Variants in PCDHGA6 observed in about 807,000 individuals in gnomAD.
PCDHGA6 encodes protocadherin gamma subfamily A, 6.
In PCDHGA6, 41 loss-of-function variants were observed where a neutral mutation model predicts 60.6. That is an observed-to-expected ratio of 0.68 (90% confidence interval 0.53 to 0.88). The LOEUF is 0.88. Ranked by LOEUF, PCDHGA6 falls within the 40% of genes least tolerant of loss-of-function variation. PCDHGA6 has a pLI of 0.00. For synonymous variants in PCDHGA6, 594 were observed against 524.4 expected, an observed-to-expected ratio of 1.13 and a Z score of -1.81; for missense variants, 1,312 against 1,203.0, an observed-to-expected ratio of 1.09 and a Z score of -1.34.
At chr5:141,415,879 T>C (rs1002596454) in intron 1 of PCDHGA6, 1 of 1,003,176 alleles carries the variant, frequency 1.0e-6, no homozygotes, top group African/African-American at 1.7e-5. Context: ...TTGAGTACAA[T>C]ATTGACAATT....
intron 1 of PCDHGA6, among the ~76,000 whole-genome samples, chr5:141,481,400 T>C (rs2154578591): frequency 6.6e-6 from 1 of 152,358 alleles, no homozygotes; most frequent in East Asian, 1.9e-4. Context: ...GTGACAAAAT[T>C]CTTGTATAAT....
chr5:141,392,298 G>T (rs568188111), intron 1 of PCDHGA6: 3 of 152,090 alleles, frequency 2.0e-5, no homozygotes, highest in African/African-American at 7.2e-5. Flanking sequence ...GGAAATGAAA[G>T]TATCATGTTT....
At position 141,413,764 on chromosome 5, in the gene PCDHGA6, G is replaced by A. The variant is rs749419039; in HGVS notation, c.2424+37257G>A. 28 of 1,612,716 alleles carry A rather than the reference G, an allele frequency of 1.7e-5. No individual in the cohort carries two copies. Among genetic ancestry groups the A allele is most frequent in the Non-Finnish European group, 2.2e-5 (26 of 1,179,878 alleles). On this transcript the variant is annotated intron_variant, in intron 1 of 3. Coordinates refer to ENST00000517434, the MANE Select transcript of PCDHGA6 (RefSeq NM_018919.3). ...CCGTGCCAATGGCGTCAAGTACCCG[G>A]AGCTGGTACTGGAGCACTCCCTAGA... is the stretch of plus-strand genomic sequence containing the variant.
At position 141,477,868 on chromosome 5, in the gene PCDHGA6, C is replaced by G; in HGVS notation, c.2425-16939C>G. Reference sequence around the variant, plus strand: ...CGGTGGAGATGCTGCCTCGAGGTACCTCAGCTGGCCACCTAGTGTCACGGG... The same window carrying G: ...CGGTGGAGATGCTGCCTCGAGGTACGTCAGCTGGCCACCTAGTGTCACGGG... On this transcript the variant is annotated intron_variant, in intron 1 of 3. Coordinates refer to ENST00000517434, the MANE Select transcript of PCDHGA6 (RefSeq NM_018919.3). The surrounding 1 kb of genome is among the most constrained non-coding windows in gnomAD (Gnocchi z 4.9). 1 of 1,613,750 alleles carries G rather than the reference C, an allele frequency of 6.2e-7. No individual in the cohort carries two copies. Among genetic ancestry groups the G allele is most frequent in the Non-Finnish European group, 8.5e-7 (1 of 1,179,908 alleles).
At chr5:141,392,816 G>C (rs1442012424) in intron 1 of PCDHGA6, 3 of 1,587,594 alleles carry the variant, frequency 1.9e-6, no homozygotes, top group Admixed American at 3.6e-5. Context: ...AAACAACAAT[G>C]GCCGCTCCAC....
At chr5:141,427,570 C>A in intron 1 of PCDHGA6, 1 of 662,270 alleles carries the variant, frequency 1.5e-6, no homozygotes, top group Non-Finnish European at 2.8e-6. Flanking sequence ...GGCAAGCCTC[C>A]GCTCTCATCC....
Position 141,427,790 on chromosome 5 carries a change from C to T in PCDHGA6, c.2424+51283C>T, listed in dbSNP as rs1212280689. ...TGGAGCTGCGGGCACTGTCGTCCTACGTGTCCGTGAGCGCACAGAGCGGGG... is the reference window on the plus strand; with the variant it reads ...TGGAGCTGCGGGCACTGTCGTCCTATGTGTCCGTGAGCGCACAGAGCGGGG... On this transcript the variant is annotated intron_variant, in intron 1 of 3. Transcript: ENST00000517434. 2.0e-6 allele frequency: 3 copies of T among 1,482,108 alleles called. No homozygotes were observed. The Admixed American group carries it at 5.0e-5, about 25-fold the overall frequency. 91.8% of individuals were successfully genotyped at this position (1,482,108 alleles called of 1,614,324 possible).
At position 141,491,265 on chromosome 5, in the gene PCDHGA6, C is replaced by G. The variant is rs868682993; in HGVS notation, c.2425-3542C>G. ...AGGATGAGGACCCTGAGGAAATGCCCAAATCCAGTGACTTCCTCATACACC... is the reference window on the plus strand; with the variant it reads ...AGGATGAGGACCCTGAGGAAATGCCGAAATCCAGTGACTTCCTCATACACC... On this transcript the variant is annotated intron_variant, in intron 1 of 3. Transcript: ENST00000517434. The surrounding 1 kb of genome is among the most constrained non-coding windows in gnomAD (Gnocchi z 6.9). The G allele has an allele frequency of 6.2e-7, 1 of 1,614,074 alleles. No individual in the cohort carries two copies. The highest frequency in any genetic ancestry group is 8.5e-7 in the Non-Finnish European group (1 of 1,179,916).
intron 2 of PCDHGA6, among the ~76,000 whole-genome samples, chr5:141,497,175 A>T (rs2154592067): frequency 6.7e-6 from 1 of 150,262 alleles, no homozygotes; most frequent in East Asian, 1.9e-4. Context: ...AAATCACAGT[A>T]AGTTCTGAGA....
chr5:141,413,865 C>A, intron 1 of PCDHGA6: 2 of 1,613,388 alleles, frequency 1.2e-6, no homozygotes, highest in Non-Finnish European at 1.7e-6. Context: ...CTGGCACTGT[C>A]CTTGTCAGTG....
intron 1 of PCDHGA6, chr5:141,394,736 C>A: frequency 6.2e-7 from 1 of 1,613,456 alleles, no homozygotes; most frequent in Non-Finnish European, 8.5e-7. Flanking sequence ...TCAAGCAGAG[C>A]CTCGTGGTGG....
At position 141,487,276 on chromosome 5, in the gene PCDHGA6, C is replaced by G; in HGVS notation, c.2425-7531C>G. On this transcript the variant is annotated intron_variant, in intron 1 of 3. Coordinates refer to ENST00000517434, the MANE Select transcript of PCDHGA6 (RefSeq NM_018919.3). The surrounding 1 kb of genome is among the most constrained non-coding windows in gnomAD (Gnocchi z 5.0). ...TGGCTGTGTCCCTAGTGGCAATTTG[C>G]TTTGTCTCCTTTGGCTCATTCGTGG... 1 of 1,614,158 alleles carries G rather than the reference C, an allele frequency of 6.2e-7. No homozygotes were observed. The highest frequency in any genetic ancestry group is 1.1e-5 in the South Asian group (1 of 91,082).
At chr5:141,383,126 C>A in intron 1 of PCDHGA6, 1 of 1,614,062 alleles carries the variant, frequency 6.2e-7, no homozygotes, top group East Asian at 2.2e-5. Context: ...CAGCTTTTCG[C>A]CCTGAACCAG....
At chr5:141,378,945 G>A (rs1775265317) in intron 1 of PCDHGA6, 1 of 152,196 alleles carries the variant, frequency 6.6e-6, no homozygotes, top group Admixed American at 6.5e-5. Context: ...TGGAATGAAT[G>A]GAGTACAGGG....
chr5:141,481,835 C>T (rs892868552), intron 1 of PCDHGA6, among the ~76,000 whole-genome samples: 5 of 149,932 alleles, frequency 3.3e-5, no homozygotes, highest in Non-Finnish European at 7.4e-5. Flanking sequence ...GCAGGAGAAT[C>T]GCTTGATGGT....
At chr5:141,483,967 G>C (rs2099589454) in intron 1 of PCDHGA6, among the ~76,000 whole-genome samples, 1 of 149,276 alleles carries the variant, frequency 6.7e-6, no homozygotes, top group African/African-American at 2.5e-5. Flanking sequence ...TTCTGTGCTT[G>C]TGCAAGGGAG....
chr5:141,393,475 C>G lies in PCDHGA6; in HGVS notation c.2424+16968C>G, dbSNP rs200282311. The G allele has an allele frequency of 1.2e-3, 1,881 of 1,614,046 alleles. 9 individuals are homozygous for G. Among genetic ancestry groups the G allele is most frequent in the South Asian group, 3.4e-3 (312 of 91,088 alleles). On this transcript the variant is annotated intron_variant, in intron 1 of 3. Coordinates refer to ENST00000517434, the MANE Select transcript of PCDHGA6 (RefSeq NM_018919.3). ...ACGGCCTCGGATGGCGGCAAGCCGC[C>G]TCGCTCTAGCACAGTGCGCATCCAC... is the stretch of plus-strand genomic sequence containing the variant.
chr5:141,495,603 C>T (rs2099762369), intron 2 of PCDHGA6, among the ~76,000 whole-genome samples: 1 of 152,238 alleles, frequency 6.6e-6, no homozygotes, highest in Non-Finnish European at 1.5e-5. Flanking sequence ...TAGCTTCCGT[C>T]TTGATTGCTG....
At chr5:141,404,662 T>G (rs1314002801) in intron 1 of PCDHGA6, 1 of 1,614,208 alleles carries the variant, frequency 6.2e-7, no homozygotes, top group East Asian at 2.2e-5. Flanking sequence ...TCCCCACTGA[T>G]GGTTCTACTG....
Sources: gnomAD v4.1 joint callset for allele counts (sites outside exome capture counted in the v4.1 genomes callset) on GRCh38, gnomAD v4.1.1 for gene constraint, Gnocchi (gnomAD v3.1) non-coding constraint, MANE v1.5 for transcripts, NCBI Gene and HGNC (gene_info 2026-07-23, HGNC 2026-07-21) for gene names.